Variants in PIGR observed in about 807,000 individuals in gnomAD.
PIGR encodes the protein polymeric immunoglobulin receptor.
In PIGR, 22 loss-of-function variants were observed where a neutral mutation model predicts 69.5. The observed-to-expected ratio is 0.32, with a 90% CI of 0.23 to 0.45. PIGR has a LOEUF of 0.45. Ranked by LOEUF, PIGR falls within the 20% of genes least tolerant of loss-of-function variation. The probability of loss-of-function intolerance (pLI) is 1.00; values close to 1 mark genes in which losing one functional copy is unlikely to be tolerated. For missense variants in PIGR, 885 were observed against 974.0 expected, an observed-to-expected ratio of 0.91 and a Z score of 1.22; for synonymous variants, 413 against 407.6, an observed-to-expected ratio of 1.01 and a Z score of -0.16.
At chr1:206,942,182 G>A (rs995408351) in intron 1 of PIGR, among the ~76,000 whole-genome samples, 22 of 152,216 alleles carry the variant, frequency 1.4e-4, no homozygotes, top group African/African-American at 5.3e-4. Flanking sequence ...AGATGGCAAC[G>A]TTGAGGCTCT....
At chr1:206,933,981 T>C (rs1426831208) in intron 6 of PIGR, among the ~76,000 whole-genome samples, 5 of 152,002 alleles carry the variant, frequency 3.3e-5, no homozygotes, top group Non-Finnish European at 5.9e-5. Context: ...GCAATTCTCA[T>C]GCCTCAGCCA....
intron 3 of PIGR, 132 bp downstream of exon 3, chr1:206,938,985 TGG>T: frequency 1.4e-6 from 1 of 713,300 alleles, no homozygotes; most frequent in Admixed American, 2.7e-5. Flanking sequence ...AGTCTTTGCC[TGG>T]GGAAAGGGGT....
In PIGR at chr1:206,940,399, G is replaced by A. The variant is rs191528965; in HGVS notation, c.43+90C>T. ...TTGAGAGGGACATCCCTGGGGATGAGTCTGATTTTAGTGTCCCCAGGGAGG... is the reference window on the plus strand; with the variant it reads ...TTGAGAGGGACATCCCTGGGGATGAATCTGATTTTAGTGTCCCCAGGGAGG... On this transcript the variant is annotated intron_variant, in intron 2 of 10. Transcript: ENST00000356495. 13 of 1,245,354 alleles carry A rather than the reference G, an allele frequency of 1.0e-5. No homozygotes were observed. The African/African-American group carries it at 2.0e-4, about 19-fold the overall frequency. The allele number at this position is 1,245,354 out of a possible 1,614,324, so 77.1% of individuals were successfully genotyped here.
rs756080995 is a variant in PIGR, at chr1:206,937,745, C to T, written c.395G>A (p.Gly132Glu). The T allele has an allele frequency of 1.2e-6, 2 of 1,613,456 alleles. No individual in the cohort carries two copies. The highest frequency in any genetic ancestry group is 2.7e-5 in the African/African-American group (2 of 74,844). The change falls in exon 4 of 11, where the codon GGG becomes GAG. Residue 132 changes from glycine to glutamate, a missense_variant. By Grantham distance (98) the Gly-to-Glu change is moderately conservative (BLOSUM62 -2). Coordinates refer to ENST00000356495, the MANE Select transcript of PIGR (RefSeq NM_002644.4). Reference protein sequence around the residue: ...DVSLEVSQGPGLLNDTKVYTV... With the variant: ...DVSLEVSQGPELLNDTKVYTV... Reference sequence around the variant, plus strand: ...GTAGACTTTAGTGTCATTTAGGAGCCCAGGACCTGCAGGATGAGGGGTGCA... The same window carrying T: ...GTAGACTTTAGTGTCATTTAGGAGCTCAGGACCTGCAGGATGAGGGGTGCA...
intron 4 of PIGR, among the ~76,000 whole-genome samples, chr1:206,936,291 C>A (rs1487062940): frequency 2.0e-5 from 3 of 152,176 alleles, no homozygotes; most frequent in African/African-American, 7.2e-5. Flanking sequence ...ATTGTTGGGG[C>A]CCCAAGGGGC....
rs967044041 is a variant in PIGR, at chr1:206,930,893, C to T, written c.2200-480G>A. On this transcript the variant is annotated intron_variant, in intron 10 of 10. Coordinates refer to ENST00000356495, the MANE Select transcript of PIGR (RefSeq NM_002644.4). The surrounding 1 kb of genome is among the most constrained non-coding windows in gnomAD (Gnocchi z 4.3). The stretch of plus-strand genomic sequence containing the variant: ...AAAGTAGATATGATAAAAACAACAA[C>T]AACAACAACAAAAACTCTCACCTCG... 1 of 985,334 alleles carries T rather than the reference C, an allele frequency of 1.0e-6. No individual in the cohort carries two copies. The highest frequency in any genetic ancestry group is 1.7e-5 in the African/African-American group (1 of 57,250). The allele number at this position is 985,334 out of a possible 1,614,324, so 61.0% of individuals were successfully genotyped here.
At chr1:206,941,474 T>G (rs1679984135) in intron 1 of PIGR, among the ~76,000 whole-genome samples, 1 of 152,248 alleles carries the variant, frequency 6.6e-6, no homozygotes, top group South Asian at 2.1e-4. Flanking sequence ...CTTTATATGT[T>G]CCCTTGAAAT....
intron 1 of PIGR, among the ~76,000 whole-genome samples, chr1:206,944,370 G>A (rs1475187921): frequency 6.6e-6 from 1 of 152,152 alleles, no homozygotes; most frequent in Admixed American, 6.5e-5. Flanking sequence ...CTACTCAGGA[G>A]GCTGAGGTAG....
Position 206,935,615 on chromosome 1 carries a change from C to T in PIGR, c.1249G>A (p.Glu417Lys), listed in dbSNP as rs1460760176. ...AQYEGRLSLL[E>K]EPGNGTFTVI... Reference sequence around the variant, plus strand: ...GTGAAGGTGCCGTTGCCTGGCTCCTCCAGCAGGGAGAGGCGGCCCTCGTAC... The same window carrying T: ...GTGAAGGTGCCGTTGCCTGGCTCCTTCAGCAGGGAGAGGCGGCCCTCGTAC... Residue 417 changes from glutamate to lysine, a missense_variant, in exon 5 of 11, where the codon GAG becomes AAG. Coordinates refer to ENST00000356495, the MANE Select transcript of PIGR (RefSeq NM_002644.4). This position sits in a 1 kb window ranked among gnomAD's most constrained non-coding sequence, Gnocchi z 4.4. 1 of 1,614,206 alleles carries T rather than the reference C, an allele frequency of 6.2e-7. No individual in the cohort carries two copies. The highest frequency in any genetic ancestry group is 1.1e-5 in the South Asian group (1 of 91,082).
At position 206,937,342 on chromosome 1, in the gene PIGR, C is replaced by A; in HGVS notation, c.798G>T (p.Val266=). ...TGCTCTGTCGGCACAGAAATTTGGC[C>A]ACGTTTGCCACCTCAGGGCCCAGGG... ...HCALGPEVAN[V]AKFLCRQSSG... Residue 266 remains valine, a synonymous_variant, in exon 4 of 11, where the codon GTG becomes GTT. Transcript: ENST00000356495. The A allele has an allele frequency of 1.2e-6, 2 of 1,613,008 alleles. No homozygotes were observed. Among genetic ancestry groups the A allele is most frequent in the South Asian group, 2.2e-5 (2 of 90,968 alleles).
At position 206,935,428 on chromosome 1, in the gene PIGR, G is replaced by A. The variant is rs975499997; in HGVS notation, c.1378+58C>T. 5.7e-6 allele frequency: 8 copies of A among 1,406,288 alleles called. No individual in the cohort carries two copies. The highest frequency in any genetic ancestry group is 2.3e-5 in the East Asian group (1 of 43,616). 87.1% of individuals were successfully genotyped at this position (1,406,288 alleles called of 1,614,324 possible). ...GTGAAAAAGGAGGAAGAGTGGTTGG[G>A]GATGCTGCTGCTGGCTGGAGAGGTT... On this transcript the variant is annotated intron_variant, in intron 5 of 10. Transcript: ENST00000356495. This position sits in a 1 kb window ranked among gnomAD's most constrained non-coding sequence, Gnocchi z 4.4.
rs931087633 is a variant in PIGR at position 206,933,234 on chromosome 1, G to T, written c.1706-68C>A. 2.7e-5 allele frequency: 40 copies of T among 1,496,012 alleles called. 1 individual carries two copies. Among genetic ancestry groups the T allele is most frequent in the Non-Finnish European group, 3.6e-5 (39 of 1,093,086 alleles). 92.7% of individuals were successfully genotyped at this position (1,496,012 alleles called of 1,614,324 possible). On this transcript the variant is annotated intron_variant, in intron 6 of 10. Coordinates refer to ENST00000356495, the MANE Select transcript of PIGR (RefSeq NM_002644.4). The stretch of plus-strand genomic sequence containing the variant: ...TGCTCTTACTCCTCGAGGTGAAGGA[G>T]TCTGGGGGAGACTTCATGAGGAATC...
chr1:206,934,670 T>C lies in PIGR; in HGVS notation c.1455A>G (p.Pro485=), dbSNP rs746549497. 1 of 1,613,864 alleles carries C rather than the reference T, an allele frequency of 6.2e-7. No individual in the cohort carries two copies. The highest frequency in any genetic ancestry group is 8.5e-7 in the Non-Finnish European group (1 of 1,179,974). ...ATTTCTCGTACGAGGAGAATTTGCA[T>C]GGAAAGTGACAGGGGACCTTGAGAG... ...GETLKVPCHF[P]CKFSSYEKYW... Residue 485 remains proline (P), a synonymous_variant, in exon 6 of 11, where the codon CCA becomes CCG. Transcript: ENST00000356495.
chr1:206,931,220 C>A, intron 10 of PIGR: 1 of 985,418 alleles, frequency 1.0e-6, no homozygotes, highest in Non-Finnish European at 1.2e-6. Flanking sequence ...CTTTTATGCA[C>A]CTGCTTTCCT....
intron 3 of PIGR, 65 bp from the exon 4 acceptor site, chr1:206,937,816 G>T: frequency 7.1e-7 from 1 of 1,412,474 alleles, no homozygotes; most frequent in Non-Finnish European, 9.8e-7. Context: ...TGCAACATAG[G>T]ACTATTTGCT....
rs11584437 is a variant in PIGR at position 206,930,724 on chromosome 1, G to A, written c.2200-311C>T. Reference sequence around the variant, plus strand: ...CACAGTCCACGGGCAAGGTGGCCTAGGCTGGGGTCAACCACGGTGGTGTAT... The same window carrying A: ...CACAGTCCACGGGCAAGGTGGCCTAAGCTGGGGTCAACCACGGTGGTGTAT... On this transcript the variant is annotated intron_variant, in intron 10 of 10. Transcript: ENST00000356495. The surrounding 1 kb of genome is among the most constrained non-coding windows in gnomAD (Gnocchi z 4.3). The A allele has an allele frequency of 1.0e-6, 1 of 985,432 alleles. No individual in the cohort carries two copies. Among genetic ancestry groups the A allele is most frequent in the Non-Finnish European group, 1.2e-6 (1 of 829,932 alleles). The allele number at this position is 985,432 out of a possible 1,614,324, so 61.0% of individuals were successfully genotyped here. A position where few individuals can be genotyped will look rare whatever the true frequency, so the allele number is the denominator to read the frequency against.
chr1:206,945,330 G>A (rs1006485965), intron 1 of PIGR, among the ~76,000 whole-genome samples: 6 of 152,244 alleles, frequency 3.9e-5, no homozygotes, highest in African/African-American at 1.4e-4. Context: ...CCCAGGCACT[G>A]TGGCAATTGC....
chr1:206,932,557 C>T lies in PIGR; in HGVS notation c.1907G>A (p.Ser636Asn). The part of the protein sequence containing the change: ...DSGSSEEQGG[S>N]SRALVSTLVP... ...CAGGGTGGAGACCAGCGCTCTGGAG[C>T]TTCCACCTTGTTCCTCAGAGCTGGA... is the stretch of plus-strand genomic sequence containing the variant. The change falls in exon 8 of 11, where the codon AGC becomes AAC. Residue 636 changes from serine (S) to asparagine (N), a missense_variant. Transcript: ENST00000356495. 1 of 1,613,322 alleles carries T rather than the reference C, an allele frequency of 6.2e-7. No individual in the cohort carries two copies. Among genetic ancestry groups the T allele is most frequent in the Non-Finnish European group, 8.5e-7 (1 of 1,179,684 alleles).
At chr1:206,940,835 T>C (rs1679968321) in intron 1 of PIGR, among the ~76,000 whole-genome samples, 1 of 152,228 alleles carries the variant, frequency 6.6e-6, no homozygotes, top group Non-Finnish European at 1.5e-5. Context: ...GGGATAGAGA[T>C]ATTGTGTCAT....
Sources: allele counts gnomAD v4.1 joint callset (sites outside exome capture counted in the v4.1 genomes callset), GRCh38; gene constraint gnomAD v4.1.1; non-coding constraint Gnocchi (gnomAD v3.1); transcripts MANE v1.5; gene names NCBI Gene and HGNC (gene_info 2026-07-23, HGNC 2026-07-21).